CRYBG3: variants seen among roughly 807,000 people sequenced by gnomAD.
The protein encoded by CRYBG3 is crystallin beta-gamma domain containing 3.
A neutral mutation model predicts 244.2 loss-of-function variants in CRYBG3; 127 were observed. That is an observed-to-expected ratio of 0.52 (90% CI 0.45 to 0.60). CRYBG3 has a LOEUF of 0.60. Ranked by LOEUF, CRYBG3 falls within the 20% of genes least tolerant of loss-of-function variation. CRYBG3 has a pLI of 0.00. For missense variants in CRYBG3, 3,325 were observed against 3,442.5 expected (o/e 0.97, Z 0.85); for synonymous variants, 1,132 against 1,195.8 (o/e 0.95, Z 1.10).
intron 1 of CRYBG3, among the ~76,000 whole-genome samples, chr3:97,830,974 C>T (rs940085225): frequency 5.3e-5 from 8 of 152,020 alleles, no homozygotes; most frequent in African/African-American, 1.9e-4. Flanking sequence ...TTGCTAGGCT[C>T]CTGCCAAATG....
intron 7 of CRYBG3, among the ~76,000 whole-genome samples, chr3:97,884,059 C>T (rs1373587530): frequency 2.6e-5 from 4 of 151,992 alleles, no homozygotes; most frequent in South Asian, 4.2e-4. Flanking sequence ...CAGTTAGTTA[C>T]GTATTTTGTT....
chr3:97,828,842 A>G (rs111381690), intron 1 of CRYBG3, among the ~76,000 whole-genome samples: 1 of 151,546 alleles, frequency 6.6e-6, no homozygotes, highest in Non-Finnish European at 1.5e-5. Context: ...AAAAAAAAAA[A>G]AAATAACAAA....
chr3:97,896,166 A>G (rs949884643), intron 12 of CRYBG3, 81 bp downstream of exon 12: 1 of 1,307,284 alleles, frequency 7.6e-7, no homozygotes, highest in Non-Finnish European at 1.1e-6. Context: ...CTGATAGAAC[A>G]TGAGATTATA....
At chr3:97,858,249 G>A (rs1163090009) in intron 2 of CRYBG3, among the ~76,000 whole-genome samples, 4 of 149,650 alleles carry the variant, frequency 2.7e-5, no homozygotes, top group Non-Finnish European at 5.9e-5. Flanking sequence ...GATATATGCT[G>A]TTATTCTAAT....
chr3:97,923,144 C>T (rs1307314040), intron 17 of CRYBG3, among the ~76,000 whole-genome samples: 1 of 152,010 alleles, frequency 6.6e-6, no homozygotes, highest in African/African-American at 2.4e-5. Flanking sequence ...ACAATGAGAA[C>T]ACTTGGACAC....
chr3:97,832,206 A>G (rs918034897), intron 1 of CRYBG3, among the ~76,000 whole-genome samples: 24 of 149,658 alleles, frequency 1.6e-4, no homozygotes, highest in African/African-American at 6.0e-4. Flanking sequence ...GAAAAAAAAT[A>G]CTTTAAATTT....
intron 10 of CRYBG3, among the ~76,000 whole-genome samples, chr3:97,891,734 T>A (rs1332045865): frequency 1.3e-5 from 2 of 152,150 alleles, no homozygotes; most frequent in Non-Finnish European, 2.9e-5. Context: ...CTCAGGAGCG[T>A]AAGGTGGATG....
intron 19 of CRYBG3, 82 bp from the exon 20 acceptor site, chr3:97,941,066 T>A: frequency 8.6e-7 from 1 of 1,168,524 alleles, no homozygotes; most frequent in Admixed American, 2.2e-5. Flanking sequence ...CCTCTCACTT[T>A]CCCTCCCAGC....
intron 15 of CRYBG3, among the ~76,000 whole-genome samples, chr3:97,911,200 G>A (rs1290813555): frequency 6.6e-6 from 1 of 152,194 alleles, no homozygotes; most frequent in African/African-American, 2.4e-5. Flanking sequence ...GTGAACATTA[G>A]CTGCTCAGAA....
intron 11 of CRYBG3, 69 bp downstream of exon 11, chr3:97,893,062 G>A: frequency 7.4e-7 from 1 of 1,342,792 alleles, no homozygotes; most frequent in Non-Finnish European, 1.0e-6. Context: ...AATGTGCTAA[G>A]CAAAGCAAAA....
intron 17 of CRYBG3, among the ~76,000 whole-genome samples, chr3:97,925,855 T>A (rs542575196): frequency 3.3e-5 from 5 of 151,588 alleles, no homozygotes; most frequent in African/African-American, 7.2e-5. Context: ...AATTTTTTTT[T>A]AAATAAGGAG....
intron 1 of CRYBG3, among the ~76,000 whole-genome samples, chr3:97,825,953 A>G (rs1036191067): frequency 4.6e-5 from 7 of 152,228 alleles, no homozygotes; most frequent in African/African-American, 1.4e-4. Flanking sequence ...TGATGATTGC[A>G]TTTTTATTGA....
At chr3:97,943,144 T>G (rs951151453) in intron 21 of CRYBG3, 82 bp from the exon 22 acceptor site, 1 of 751,968 alleles carries the variant, frequency 1.3e-6, no homozygotes, top group Non-Finnish European at 2.3e-6. Context: ...AATGGTGAGC[T>G]GAACAGAAGC....
At position 97,876,244 on chromosome 3, in the gene CRYBG3, A is replaced by G. The variant is rs138563048; in HGVS notation, c.5050A>G (p.Thr1684Ala). 4 of 1,231,900 alleles carry G rather than the reference A, an allele frequency of 3.2e-6. No individual in the cohort carries two copies. The African/African-American group carries it at 4.7e-5, about 14-fold the overall frequency. The allele number at this position is 1,231,900 out of a possible 1,614,324, so 76.3% of individuals were successfully genotyped here. A position where few individuals can be genotyped will look rare whatever the true frequency, so the allele number is the denominator to read the frequency against. ...HAEGDIGKTG[T>A]IALSEVENIH... ...TGAAGGGGATATTGGCAAGACTGGGACGATAGCCTTGTCAGAAGTGGAAAA... is the reference window on the plus strand; with the variant it reads ...TGAAGGGGATATTGGCAAGACTGGGGCGATAGCCTTGTCAGAAGTGGAAAA... Residue 1684 changes from threonine to alanine, a missense_variant, in exon 4 of 22, where the codon ACG becomes GCG. Physicochemically the swap from Thr to Ala is moderately conservative, Grantham distance 58. Around this residue, in one of 4 missense-constraint regions of CRYBG3, gnomAD observed 635 missense variants for 771.7 expected, o/e 0.82. Transcript: ENST00000389622.
At chr3:97,861,069 C>T (rs2039140115) in intron 2 of CRYBG3, among the ~76,000 whole-genome samples, 1 of 152,012 alleles carries the variant, frequency 6.6e-6, no homozygotes, top group South Asian at 2.1e-4. Flanking sequence ...AAATTGTTGT[C>T]TAATTTAGAG....
At chr3:97,885,297 A>G (rs2039494970) in intron 7 of CRYBG3, among the ~76,000 whole-genome samples, 2 of 152,148 alleles carry the variant, frequency 1.3e-5, no homozygotes, top group African/African-American at 4.8e-5. Context: ...GTTTGGGGAA[A>G]AGTTGAAAAA....
Position 97,941,142 on chromosome 3 carries a change from T to G in CRYBG3, c.8506-6T>G, listed in dbSNP as rs947064040. Reference sequence around the variant, plus strand: ...TATTTCTAAATGGCTGTTTCTCCTGTCATAGCCTGCAGTGTACATCAGAAT... The same window carrying G: ...TATTTCTAAATGGCTGTTTCTCCTGGCATAGCCTGCAGTGTACATCAGAAT... On this transcript the variant is annotated splice_polypyrimidine_tract_variant and splice_region_variant and intron_variant, in intron 19 of 21. Coordinates refer to ENST00000389622, the MANE Select transcript of CRYBG3 (RefSeq NM_153605.4). The G allele has an allele frequency of 1.2e-5, 19 of 1,598,098 alleles. No homozygotes were observed. The highest frequency in any genetic ancestry group is 1.6e-5 in the Non-Finnish European group (19 of 1,172,686).
Position 97,871,824 on chromosome 3 carries a change from C to G in CRYBG3, c.648-18C>G. 12 of 1,458,486 alleles carry G rather than the reference C, an allele frequency of 8.2e-6. No homozygotes were observed. Among genetic ancestry groups the G allele is most frequent in the Non-Finnish European group, 9.9e-6 (11 of 1,110,656 alleles). 90.3% of individuals were successfully genotyped at this position (1,458,486 alleles called of 1,614,324 possible). ...TATTAATTATATTTCCTGATACTCT[C>G]ATGCTTTCTTTTTACAGACAAATCG... On this transcript the variant is annotated intron_variant, in intron 3 of 21. Coordinates refer to ENST00000389622, the MANE Select transcript of CRYBG3 (RefSeq NM_153605.4).
At position 97,875,370 on chromosome 3, in the gene CRYBG3, A is replaced by G; in HGVS notation, c.4176A>G (p.Ser1392=). ...SLSNLASGTE[S]IKGGEIVLYQ... ...GTAACTTAGCTAGTGGCACAGAGTC[A>G]ATTAAGGGAGGAGAAATTGTTCTCT... Residue 1392 remains serine, a synonymous_variant, in exon 4 of 22, where the codon TCA becomes TCG. Coordinates refer to ENST00000389622, the MANE Select transcript of CRYBG3 (RefSeq NM_153605.4). 1 of 1,414,780 alleles carries G rather than the reference A, an allele frequency of 7.1e-7. No homozygotes were observed. The highest frequency in any genetic ancestry group is 2.4e-4 in the Middle Eastern group (1 of 4,112). 87.6% of individuals were successfully genotyped at this position (1,414,780 alleles called of 1,614,324 possible). A position where few individuals can be genotyped will look rare whatever the true frequency, so the allele number is the denominator to read the frequency against.
Sources: gnomAD v4.1 joint callset for allele counts (sites outside exome capture counted in the v4.1 genomes callset) on GRCh38, gnomAD v4.1.1 for gene constraint, gnomAD v4.1.1 regional missense constraint, MANE v1.5 for transcripts, NCBI Gene and HGNC (gene_info 2026-07-23, HGNC 2026-07-21) for gene names.